Variants in MISP observed in about 807,000 individuals in gnomAD.
MISP encodes the protein mitotic interactor and substrate of PLK1.
In MISP, 51 loss-of-function variants were observed where a neutral mutation model predicts 49.3. The observed-to-expected ratio is 1.03, with a 90% CI of 0.83 to 1.31. The LOEUF is 1.31. Ranked by LOEUF, MISP falls within the 50% of genes most tolerant of loss-of-function variation. The pLI is 0.00. For missense variants in MISP, 1,084 were observed against 935.1 expected (o/e 1.16, Z -2.08); for synonymous variants, 444 against 392.6 (o/e 1.13, Z -1.55).
At chr19:763,141 G>A (rs1175043249) in intron 4 of MISP, among the ~76,000 whole-genome samples, 1 of 152,202 alleles carries the variant, frequency 6.6e-6, no homozygotes, top group Non-Finnish European at 1.5e-5. Context: ...GCCAGGCGCC[G>A]TAGCGGGCCT....
chr19:761,559 C>A, intron 3 of MISP, 66 bp from the exon 4 acceptor site: 2 of 1,584,826 alleles, frequency 1.3e-6, no homozygotes, highest in Non-Finnish European at 1.7e-6. Context: ...TGTGTGGGAG[C>A]TCTGGTCGGA....
upstream of MISP, among the ~76,000 whole-genome samples, chr19:750,926 G>A (rs1036784876): frequency 1.3e-5 from 2 of 152,144 alleles, no homozygotes; most frequent in Non-Finnish European, 2.9e-5. Flanking sequence ...CCCTGGGGGT[G>A]GAGGGGCAGC....
At chr19:760,130 A>G in intron 3 of MISP, 91 bp downstream of exon 3, 2 of 1,507,812 alleles carry the variant, frequency 1.3e-6, no homozygotes, top group Non-Finnish European at 1.8e-6. Flanking sequence ...CTCAAGCCTG[A>G]CCTGGGTTCA....
At chr19:752,280 C>T (rs147011109) in intron 1 of MISP, among the ~76,000 whole-genome samples, 2,107 of 152,252 alleles carry the variant, frequency 0.014, 26 homozygotes, top group Middle Eastern at 0.051. Context: ...AGGGCAGCGC[C>T]GCTGCCCAAG....
At chr19:759,585 A>G (rs1409629816) in intron 2 of MISP, among the ~76,000 whole-genome samples, 1 of 151,434 alleles carries the variant, frequency 6.6e-6, no homozygotes, top group Non-Finnish European at 1.5e-5. Flanking sequence ...TATTTTTAGT[A>G]GAGATGGGGT....
chr19:748,590 C>T (rs943581981), upstream of MISP, among the ~76,000 whole-genome samples: 13 of 152,254 alleles, frequency 8.5e-5, no homozygotes, highest in Non-Finnish European at 1.0e-4. Flanking sequence ...GTTCTGCGGC[C>T]GCCCCGTCCT....
intron 4 of MISP, among the ~76,000 whole-genome samples, chr19:762,909 G>A (rs1273944218): frequency 2.0e-5 from 3 of 151,838 alleles, no homozygotes; most frequent in African/African-American, 7.3e-5. Flanking sequence ...TGCATTCAAG[G>A]GATCCTCCCA....
upstream of MISP, among the ~76,000 whole-genome samples, chr19:748,903 C>T (rs1296754728): frequency 6.6e-6 from 1 of 152,198 alleles, no homozygotes; most frequent in Non-Finnish European, 1.5e-5. Flanking sequence ...CTTTGGGAGG[C>T]CGAGGTGGGC....
Position 758,821 on chromosome 19 carries a change from G to T in MISP, c.1780+95G>T, listed in dbSNP as rs151061862. 153 of 1,058,602 alleles carry T rather than the reference G, an allele frequency of 1.4e-4. No individual in the cohort carries two copies. In the African/African-American group the frequency reaches 2.3e-3, roughly 16 times the overall value. The allele number at this position is 1,058,602 out of a possible 1,614,324, so 65.6% of individuals were successfully genotyped here. On this transcript the variant is annotated intron_variant, in intron 2 of 4. Coordinates refer to ENST00000215582, the MANE Select transcript of MISP (RefSeq NM_173481.4). ...AGGTGGAGTTTGAGGCTGTCAAAGG[G>T]CTGGGGTTGGGGAGACATTGCCTCC...
At chr19:751,532 A>G (rs1401892096) in intron 1 of MISP, among the ~76,000 whole-genome samples, 2 of 152,130 alleles carry the variant, frequency 1.3e-5, no homozygotes, top group Admixed American at 1.3e-4. Context: ...GGTTCTGGGA[A>G]TTCCAGAGGC....
chr19:749,999 C>T (rs1447685577), upstream of MISP, among the ~76,000 whole-genome samples: 1 of 152,110 alleles, frequency 6.6e-6, no homozygotes, highest in African/African-American at 2.4e-5. Context: ...GCCCCCTCAG[C>T]TGTGTTCCCT....
chr19:762,439 G>A (rs1286950231), intron 4 of MISP, among the ~76,000 whole-genome samples: 1 of 151,536 alleles, frequency 6.6e-6, no homozygotes, highest in Non-Finnish European at 1.5e-5. Context: ...TTTTAGCAGA[G>A]ATGGGGTTTC....
Position 758,110 on chromosome 19 carries a change from A to G in MISP, c.1164A>G (p.Gly388=). ...PDWVSEGPQP[G]LRRALSSDSI... is the part of the protein sequence containing the mutation. ...GGGTCTCGGAGGGTCCCCAGCCCGG[A>G]CTCCGGAGAGCCCTCAGCTCAGATT... Residue 388 remains glycine, a synonymous_variant, in exon 2 of 5, where the codon GGA becomes GGG. Coordinates refer to ENST00000215582, the MANE Select transcript of MISP (RefSeq NM_173481.4). 1 of 1,601,174 alleles carries G rather than the reference A, an allele frequency of 6.2e-7. No homozygotes were observed. The highest frequency in any genetic ancestry group is 8.5e-7 in the Non-Finnish European group (1 of 1,173,730).
chr19:758,569 C>G lies in MISP; in HGVS notation c.1623C>G (p.Ser541=). ...AGAPALRLQK[S]QSSDLLERER... Reference sequence around the variant, plus strand: ...CCCCTGCACTGAGGCTGCAGAAGTCCCAGTCATCTGATCTGCTGGAAAGGG... The same window carrying G: ...CCCCTGCACTGAGGCTGCAGAAGTCGCAGTCATCTGATCTGCTGGAAAGGG... The change falls in exon 2 of 5, where the codon TCC becomes TCG. Residue 541 remains serine (S), a synonymous_variant. Transcript: ENST00000215582. The G allele has an allele frequency of 3.1e-6, 5 of 1,614,210 alleles. No individual in the cohort carries two copies. The highest frequency in any genetic ancestry group is 4.2e-6 in the Non-Finnish European group (5 of 1,180,032).
Position 758,542 on chromosome 19 carries a change from G to A in MISP, c.1596G>A (p.Gly532=). ...ATGTCTGGGGCTGGGAGGTGGCTGG[G>A]GCCCCTGCACTGAGGCTGCAGAAGT... is the stretch of plus-strand genomic sequence containing the variant. The part of the protein sequence containing the change: ...VPHVWGWEVA[G]APALRLQKSQ... The change falls in exon 2 of 5, where the codon GGG becomes GGA. Residue 532 remains glycine (G), a synonymous_variant. Coordinates refer to ENST00000215582, the MANE Select transcript of MISP (RefSeq NM_173481.4). 4.3e-6 allele frequency: 7 copies of A among 1,614,180 alleles called. No individual in the cohort carries two copies. The highest frequency in any genetic ancestry group is 2.2e-5 in the East Asian group (1 of 44,886).
In MISP at chr19:759,957, T is replaced by C; in HGVS notation, c.1829T>C (p.Ile610Thr). 1 of 1,614,068 alleles carries C rather than the reference T, an allele frequency of 6.2e-7. No homozygotes were observed. The highest frequency in any genetic ancestry group is 8.5e-7 in the Non-Finnish European group (1 of 1,179,982). The change falls in exon 3 of 5, where the codon ATC becomes ACC. Residue 610 changes from isoleucine to threonine, a missense_variant. Physicochemically the swap from Ile to Thr is moderately conservative, Grantham distance 89. Transcript: ENST00000215582. The part of the protein sequence containing the change: ...SVSESPFFSP[I>T]HLHSNVAWTV... ...TCTGAGTCTCCCTTCTTCAGCCCCATCCACCTACACTCAAACGTGGCGTGG... is the reference window on the plus strand; with the variant it reads ...TCTGAGTCTCCCTTCTTCAGCCCCACCCACCTACACTCAAACGTGGCGTGG...
At chr19:755,224 C>T (rs2033530639) in intron 1 of MISP, among the ~76,000 whole-genome samples, 1 of 152,182 alleles carries the variant, frequency 6.6e-6, no homozygotes, top group Non-Finnish European at 1.5e-5. Flanking sequence ...CTGAGCCCAG[C>T]AGCAACCTGG....
intron 3 of MISP, chr19:760,337 A>T: frequency 4.1e-6 from 1 of 246,034 alleles, no homozygotes; most frequent in Non-Finnish European, 7.6e-6. Flanking sequence ...GACACTGGCA[A>T]TTTGTCATCG....
At chr19:763,342 A>G (rs2033704805) in intron 4 of MISP, among the ~76,000 whole-genome samples, 159 bp from the exon 5 acceptor site, 2 of 152,186 alleles carry the variant, frequency 1.3e-5, no homozygotes, top group Admixed American at 1.3e-4. Context: ...GAGTTAGCAT[A>G]TTCTTTGATC....
Sources: gnomAD v4.1 joint callset for allele counts (sites outside exome capture counted in the v4.1 genomes callset) on GRCh38, gnomAD v4.1.1 for gene constraint, MANE v1.5 for transcripts, NCBI Gene and HGNC (gene_info 2026-07-23, HGNC 2026-07-21) for gene names.